NEDD4L: variants seen among roughly 807,000 people sequenced by gnomAD.
The protein encoded by NEDD4L is NEDD4 like E3 ubiquitin protein ligase, also known as E3 ubiquitin-protein ligase NEDD4-like.
Under a neutral mutation model 148.9 loss-of-function variants are expected in NEDD4L, and 54 were observed. That is an observed-to-expected ratio of 0.36 (90% CI 0.29 to 0.45). The LOEUF is 0.45. Among genes scored for constraint, NEDD4L ranks in the 20% least tolerant of loss-of-function variants. The pLI is 1.00. For synonymous variants in NEDD4L, 433 were observed against 440.7 expected (o/e 0.98, Z 0.22); for missense variants, 856 against 1,233.8 (o/e 0.69, Z 4.59).
chr18:58,222,801 T>C (rs2043915305), intron 2 of NEDD4L, among the ~76,000 whole-genome samples: 1 of 152,262 alleles, frequency 6.6e-6, no homozygotes, highest in Non-Finnish European at 1.5e-5. Flanking sequence ...AGTTATTCTT[T>C]AGTACTTATT....
Position 58,256,606 on chromosome 18 carries a change from C to G in NEDD4L, c.297+4552C>G, listed in dbSNP as rs2048614011. The G allele has an allele frequency of 8.1e-7, 1 of 1,232,086 alleles. No homozygotes were observed. Among genetic ancestry groups the G allele is most frequent in the South Asian group, 4.1e-5 (1 of 24,324 alleles). The allele number at this position is 1,232,086 out of a possible 1,614,324, so 76.3% of individuals were successfully genotyped here. The stretch of plus-strand genomic sequence containing the variant: ...CTCCTGAAATCCGCAGGACGAACTC[C>G]GCGGAGAGGACTCCGCAGGGCCAGG... On this transcript the variant is annotated intron_variant, in intron 5 of 30. Coordinates refer to ENST00000400345, the MANE Select transcript of NEDD4L (RefSeq NM_001144967.3). This position sits in a 1 kb window ranked among gnomAD's most constrained non-coding sequence, Gnocchi z 5.2.
chr18:58,315,583 C>G (rs1011455943), intron 5 of NEDD4L, among the ~76,000 whole-genome samples: 4 of 152,246 alleles, frequency 2.6e-5, no homozygotes, highest in South Asian at 2.1e-4. Flanking sequence ...GCTCTCAGCT[C>G]TCAAGAAGCT....
intron 1 of NEDD4L, among the ~76,000 whole-genome samples, chr18:58,112,110 C>T (rs1164715374): frequency 6.6e-6 from 1 of 152,090 alleles, no homozygotes; most frequent in African/African-American, 2.4e-5. Context: ...CCATGTTTGG[C>T]TGTTTATGAG....
chr18:58,136,499 C>T (rs1044942114), intron 1 of NEDD4L, among the ~76,000 whole-genome samples: 3 of 152,106 alleles, frequency 2.0e-5, no homozygotes, highest in African/African-American at 4.8e-5. Context: ...GTTTGATATG[C>T]GGGGAACCTG....
chr18:58,131,387 T>C (rs2032119173), intron 1 of NEDD4L, among the ~76,000 whole-genome samples: 1 of 148,376 alleles, frequency 6.7e-6, no homozygotes, highest in South Asian at 2.1e-4. Flanking sequence ...GGGGTTTGGT[T>C]GTGATCTAGC....
intron 5 of NEDD4L, chr18:58,314,653 C>T (rs1043046586): frequency 3.3e-5 from 5 of 152,146 alleles, no homozygotes; most frequent in African/African-American, 9.7e-5. Flanking sequence ...GGCGTCTCCA[C>T]GTTGAGTTGT....
intron 1 of NEDD4L, among the ~76,000 whole-genome samples, chr18:58,072,798 A>G (rs149133125): frequency 2.4e-3 from 364 of 152,286 alleles, no homozygotes; most frequent in African/African-American, 8.4e-3. Context: ...GAATAGAACT[A>G]TAACTAGAAA....
chr18:58,362,634 C>T (rs773001156), intron 19 of NEDD4L, among the ~76,000 whole-genome samples: 14 of 152,208 alleles, frequency 9.2e-5, no homozygotes, highest in Non-Finnish European at 1.5e-4. Flanking sequence ...CTCTCAACAG[C>T]TTGTGAGCTC....
chr18:58,112,629 C>T (rs1446046439), intron 1 of NEDD4L, among the ~76,000 whole-genome samples: 1 of 152,080 alleles, frequency 6.6e-6, no homozygotes, highest in African/African-American at 2.4e-5. Context: ...GCTGGGATTA[C>T]AGGCATGTGC....
chr18:58,325,017 T>G lies in NEDD4L; in HGVS notation c.535T>G (p.Ser179Ala). 1.9e-6 allele frequency: 3 copies of G among 1,613,908 alleles called. No individual in the cohort carries two copies. Among genetic ancestry groups the G allele is most frequent in the Non-Finnish European group, 2.5e-6 (3 of 1,179,808 alleles). Residue 179 changes from serine (S) to alanine (A), a missense_variant, in exon 9 of 31, where the codon TCA becomes GCA. This residue lies in a region of NEDD4L where 193 missense variants were observed against 244.2 expected (regional missense o/e 0.79). Coordinates refer to ENST00000400345, the MANE Select transcript of NEDD4L (RefSeq NM_001144967.3). ...DMEHGWEVVD[S>A]NDSASQHQEE... Reference sequence around the variant, plus strand: ...GCAGCATGGATGGGAAGTTGTTGACTCAAATGACTCGGCTTCTCAGCACCA... The same window carrying G: ...GCAGCATGGATGGGAAGTTGTTGACGCAAATGACTCGGCTTCTCAGCACCA...
At chr18:58,389,052 C>A (rs767676332) in intron 27 of NEDD4L, 33 bp from the exon 28 acceptor site, 9 of 1,571,442 alleles carry the variant, frequency 5.7e-6, no homozygotes, top group Non-Finnish European at 6.1e-6. Flanking sequence ...CCTTTCACAT[C>A]CTGCTTTTAC....
At chr18:58,235,999 C>G (rs1475574050) in intron 2 of NEDD4L, among the ~76,000 whole-genome samples, 1 of 151,760 alleles carries the variant, frequency 6.6e-6, no homozygotes, top group Non-Finnish European at 1.5e-5. Flanking sequence ...TGCCACTGCA[C>G]TCCAGCCTGG....
At chr18:58,220,702 T>G (rs1028030755) in intron 2 of NEDD4L, among the ~76,000 whole-genome samples, 3 of 152,204 alleles carry the variant, frequency 2.0e-5, no homozygotes, top group African/African-American at 7.2e-5. Flanking sequence ...TGGGGACACT[T>G]CCTATTAGAG....
At chr18:58,073,358 T>TACAGTTATCAAGACAGTGTGG (rs1392420353) in intron 1 of NEDD4L, among the ~76,000 whole-genome samples, 17 of 152,154 alleles carry the variant, frequency 1.1e-4, no homozygotes, top group Non-Finnish European at 1.6e-4. Context: ...GCTACAAATC[T>TACAGTTATCAAGACAGTGTGG]ACAGTTATCA....
At chr18:58,236,377 T>A (rs158863) in intron 2 of NEDD4L, among the ~76,000 whole-genome samples, 66,076 of 150,958 alleles carry the variant, frequency 0.44, 14,406 homozygotes, top group Middle Eastern at 0.49. Flanking sequence ...GAAAAAAAAA[T>A]TTATGAAGTA....
chr18:58,110,374 A>G (rs2085344974), intron 1 of NEDD4L, among the ~76,000 whole-genome samples: 1 of 152,200 alleles, frequency 6.6e-6, no homozygotes, highest in Admixed American at 6.5e-5. Context: ...CCGTTCACAC[A>G]GGTTTGGATC....
chr18:58,167,658 G>T (rs2037030292), intron 2 of NEDD4L, among the ~76,000 whole-genome samples: 1 of 152,042 alleles, frequency 6.6e-6, no homozygotes, highest in Non-Finnish European at 1.5e-5. Flanking sequence ...AAATTTACTG[G>T]GGACAGACAT....
At chr18:58,115,804 C>G (rs573255714) in intron 1 of NEDD4L, among the ~76,000 whole-genome samples, 1 of 152,302 alleles carries the variant, frequency 6.6e-6, no homozygotes, top group South Asian at 2.1e-4. Context: ...TTAGTTTTAA[C>G]TTCACCTTTT....
chr18:58,076,371 T>G (rs149185393), intron 1 of NEDD4L, among the ~76,000 whole-genome samples: 44 of 152,274 alleles, frequency 2.9e-4, no homozygotes, highest in African/African-American at 1.0e-3. Context: ...CTGGGTGCAG[T>G]AAAGCATAAA....
Sources: gnomAD v4.1 joint callset for allele counts (sites outside exome capture counted in the v4.1 genomes callset) on GRCh38, gnomAD v4.1.1 for gene constraint, gnomAD v4.1.1 regional missense constraint, Gnocchi (gnomAD v3.1) non-coding constraint, MANE v1.5 for transcripts, NCBI Gene and HGNC (gene_info 2026-07-23, HGNC 2026-07-21) for gene names.